MAGI2: variants seen among roughly 807,000 people sequenced by gnomAD.
MAGI2 encodes membrane-associated guanylate kinase, WW and PDZ domain-containing protein 2.
MAGI2 carries 35 observed loss-of-function variants against 133.3 expected under a neutral mutation model. The ratio of observed to expected loss-of-function variants is 0.26; its 90% confidence interval spans 0.20 to 0.35. MAGI2 has a LOEUF of 0.35. Among genes scored for constraint, MAGI2 ranks in the 10% least tolerant of loss-of-function variants. MAGI2 has a pLI of 1.00. For synonymous variants in MAGI2, 729 were observed against 710.6 expected (o/e 1.03, Z -0.41); for missense variants, 1,636 against 1,863.4 (o/e 0.88, Z 2.25).
chr7:79,312,806 A>G (rs1331523530), intron 1 of MAGI2, among the ~76,000 whole-genome samples: 1 of 152,166 alleles, frequency 6.6e-6, no homozygotes, highest in African/African-American at 2.4e-5. Flanking sequence ...CTGGATAAAA[A>G]TCTTAGCTAA....
At chr7:78,639,784 T>A (rs1304012902) in intron 2 of MAGI2, among the ~76,000 whole-genome samples, 1 of 152,116 alleles carries the variant, frequency 6.6e-6, no homozygotes, top group South Asian at 2.1e-4. Flanking sequence ...TTCAGGCCAG[T>A]GTGACTGTGG....
chr7:78,608,513 T>C (rs1157430707), intron 3 of MAGI2, among the ~76,000 whole-genome samples: 1 of 151,868 alleles, frequency 6.6e-6, no homozygotes, highest in Non-Finnish European at 1.5e-5. Flanking sequence ...ATATATAATG[T>C]GTGTCTGTGC....
rs34698367 is a variant in MAGI2 at position 78,667,350 on chromosome 7, GT to G, written c.419-40112del. Among the ~76,000 whole-genome samples, 219 of 139,306 alleles carry G rather than the reference GT, an allele frequency of 1.6e-3. 3 individuals carry two copies. Among genetic ancestry groups the G allele is most frequent in the Middle Eastern group, 7.8e-3 (2 of 258 alleles). The allele number at this position is 139,306 out of a possible 152,430, so 91.4% of individuals were successfully genotyped here. A position where few individuals can be genotyped will look rare whatever the true frequency, so the allele number is the denominator to read the frequency against. The stretch of plus-strand genomic sequence containing the variant: ...AGCGTGCAGTATTGTAACCAATTGG[GT>G]TTTTTTTTTTGAGATTCTTTTTTTT... On this transcript the variant is annotated intron_variant, in intron 2 of 21. Coordinates refer to ENST00000354212, the MANE Select transcript of MAGI2 (RefSeq NM_012301.4).
At chr7:78,569,617 C>T (rs1801303308) in intron 3 of MAGI2, among the ~76,000 whole-genome samples, 1 of 152,086 alleles carries the variant, frequency 6.6e-6, no homozygotes, top group African/African-American at 2.4e-5. Context: ...ATCATTCCAA[C>T]AGTAATATTT....
intron 1 of MAGI2, among the ~76,000 whole-genome samples, chr7:79,121,976 G>T (rs1313264111): frequency 6.6e-6 from 1 of 152,016 alleles, no homozygotes; most frequent in East Asian, 1.9e-4. Flanking sequence ...TCAAAAGTTG[G>T]TATTCAGTAG....
intron 1 of MAGI2, among the ~76,000 whole-genome samples, chr7:79,352,125 C>A (rs1841732463): frequency 1.3e-5 from 2 of 152,090 alleles, no homozygotes; most frequent in Non-Finnish European, 2.9e-5. Context: ...GCATCGTTAT[C>A]TTTTGAGCAA....
intron 20 of MAGI2, among the ~76,000 whole-genome samples, chr7:78,105,723 T>C (rs1563127322): frequency 6.6e-6 from 1 of 151,542 alleles, no homozygotes; most frequent in African/African-American, 2.4e-5. Flanking sequence ...ATTTTTTATT[T>C]TTGTTATGGG....
At chr7:78,367,158 C>T (rs910559574) in intron 7 of MAGI2, among the ~76,000 whole-genome samples, 8 of 142,516 alleles carry the variant, frequency 5.6e-5, no homozygotes, top group African/African-American at 1.8e-4. Flanking sequence ...GAAAAATTTT[C>T]GTTTAGGGTT....
chr7:78,163,959 T>G (rs1825366704), intron 15 of MAGI2, among the ~76,000 whole-genome samples: 1 of 152,050 alleles, frequency 6.6e-6, no homozygotes, highest in South Asian at 2.1e-4. Context: ...GAGATTTTTA[T>G]AGAAATACTG....
chr7:78,307,195 T>C (rs1798311869), intron 9 of MAGI2, among the ~76,000 whole-genome samples: 1 of 152,292 alleles, frequency 6.6e-6, no homozygotes, highest in East Asian at 1.9e-4. Flanking sequence ...ACTTTTGTAA[T>C]ACAAAAGGTA....
At chr7:78,359,703 CCAAA>C (rs1792577261) in intron 7 of MAGI2, among the ~76,000 whole-genome samples, 2 of 151,964 alleles carry the variant, frequency 1.3e-5, no homozygotes, top group African/African-American at 4.8e-5. Context: ...TACTGTCCAA[CCAAA>C]CAAAAAGTAG....
chr7:78,481,719 T>TGGAG, intron 6 of MAGI2, among the ~76,000 whole-genome samples: 1 of 150,692 alleles, frequency 6.6e-6, no homozygotes, highest in East Asian at 2.0e-4. Context: ...GAAAAAAAAA[T>TGGAG]AGAGAACCTT....
intron 1 of MAGI2, among the ~76,000 whole-genome samples, chr7:79,349,068 A>G (rs192777951): frequency 3.3e-5 from 5 of 152,122 alleles, no homozygotes; most frequent in African/African-American, 1.2e-4. Context: ...TCTATGTAGT[A>G]TATTATTTGT....
At chr7:78,588,252 T>C (rs2150833924) in intron 3 of MAGI2, among the ~76,000 whole-genome samples, 1 of 152,332 alleles carries the variant, frequency 6.6e-6, no homozygotes, top group East Asian at 1.9e-4. Context: ...AATTATCGTA[T>C]TTCTTCCCTT....
chr7:78,783,253 T>C (rs142467214), intron 2 of MAGI2, among the ~76,000 whole-genome samples: 129 of 152,226 alleles, frequency 8.5e-4, no homozygotes, highest in African/African-American at 2.9e-3. Context: ...TGTAGAGATT[T>C]AGACACATAC....
At position 79,399,080 on chromosome 7, in the gene MAGI2, T is replaced by G. The variant is rs565385266; in HGVS notation, c.301+53940A>C. 3.6e-5 allele frequency among the ~76,000 whole-genome samples: 5 copies of G among 137,952 alleles called. No homozygotes were observed. The East Asian group carries it at 1.1e-3, about 30-fold the overall frequency. 90.5% of individuals were successfully genotyped at this position (137,952 alleles called of 152,430 possible). ...ATCTTCAATTCACTAGTATTATTTC[T>G]TTTTTTTTTCTTTTCTTTTTTTTTT... is the stretch of plus-strand genomic sequence containing the variant. On this transcript the variant is annotated intron_variant, in intron 1 of 21. Coordinates refer to ENST00000354212, the MANE Select transcript of MAGI2 (RefSeq NM_012301.4).
At chr7:78,895,512 T>C (rs930645391) in intron 2 of MAGI2, among the ~76,000 whole-genome samples, 8 of 124,022 alleles carry the variant, frequency 6.5e-5, no homozygotes, top group Non-Finnish European at 1.3e-4. Flanking sequence ...AAAATGTTTA[T>C]GTAGAGCTTT....
chr7:79,266,061 C>T lies in MAGI2; in HGVS notation c.301+186959G>A, dbSNP rs535373822. 1.1e-4 allele frequency among the ~76,000 whole-genome samples: 17 copies of T among 151,980 alleles called. No individual in the cohort carries two copies. The South Asian group carries it at 3.5e-3, about 32-fold the overall frequency. ...ATCTATTAACACCAAAATCTCTAAC[C>T]CCCTCTCTCACTACTTCATGCAGTT... On this transcript the variant is annotated intron_variant, in intron 1 of 21. Coordinates refer to ENST00000354212, the MANE Select transcript of MAGI2 (RefSeq NM_012301.4).
At chr7:79,124,156 C>G (rs1404276835) in intron 1 of MAGI2, among the ~76,000 whole-genome samples, 3 of 152,184 alleles carry the variant, frequency 2.0e-5, no homozygotes, top group African/African-American at 7.2e-5. Flanking sequence ...TAAAGAAATT[C>G]TAAACACCAG....
Sources: allele counts gnomAD v4.1 joint callset (sites outside exome capture counted in the v4.1 genomes callset), GRCh38; gene constraint gnomAD v4.1.1; transcripts MANE v1.5; gene names NCBI Gene and HGNC (gene_info 2026-07-23, HGNC 2026-07-21).